The following STXBP5L variants were observed in gnomAD, a reference collection of about 807,000 sequenced individuals.
STXBP5L encodes the protein syntaxin binding protein 5L.
A neutral mutation model predicts 144.5 loss-of-function variants in STXBP5L; 65 were observed. The observed-to-expected ratio is 0.45, with a 90% CI of 0.37 to 0.55. The LOEUF is 0.55. STXBP5L is among the 20% of genes least tolerant of loss of function. The probability of loss-of-function intolerance (pLI) is 0.00; values close to 1 mark genes in which losing one functional copy is unlikely to be tolerated. For missense variants in STXBP5L, 1,298 were observed against 1,405.5 expected, an observed-to-expected ratio of 0.92 and a Z score of 1.22; for synonymous variants, 505 against 469.6, an observed-to-expected ratio of 1.08 and a Z score of -0.97.
chr3:121,003,174 A>G (rs1943939098), intron 3 of STXBP5L, among the ~76,000 whole-genome samples: 1 of 152,170 alleles, frequency 6.6e-6, no homozygotes, highest in Non-Finnish European at 1.5e-5. Context: ...TCCCACCAAC[A>G]GTGTAAAAGT....
At chr3:121,068,731 C>CAT (rs1323088898) in intron 5 of STXBP5L, among the ~76,000 whole-genome samples, 1 of 151,900 alleles carries the variant, frequency 6.6e-6, no homozygotes, top group African/African-American at 2.4e-5. Flanking sequence ...TGTTTATATT[C>CAT]ATATATATTT....
chr3:121,175,813 A>G (rs773563714), intron 9 of STXBP5L, among the ~76,000 whole-genome samples: 9 of 151,994 alleles, frequency 5.9e-5, no homozygotes, highest in Admixed American at 1.3e-4. Flanking sequence ...CATGTTGTCT[A>G]CAGGAAACAA....
chr3:121,008,054 C>G (rs568127344), intron 3 of STXBP5L, among the ~76,000 whole-genome samples: 1 of 151,926 alleles, frequency 6.6e-6, no homozygotes, highest in Non-Finnish European at 1.5e-5. Context: ...TTTCCTTACT[C>G]TCATCCAGCA....
chr3:121,122,851 T>A (rs950990708), intron 7 of STXBP5L, among the ~76,000 whole-genome samples: 1 of 151,444 alleles, frequency 6.6e-6, no homozygotes, highest in Non-Finnish European at 1.5e-5. Context: ...AATCTCATAA[T>A]AAGAGATAGG....
intron 22 of STXBP5L, among the ~76,000 whole-genome samples, chr3:121,389,069 C>T (rs2108699975): frequency 6.6e-6 from 1 of 152,214 alleles, no homozygotes; most frequent in South Asian, 2.1e-4. Flanking sequence ...AATCTCAGAG[C>T]CTGTTATTGG....
intron 10 of STXBP5L, among the ~76,000 whole-genome samples, chr3:121,217,981 T>A (rs917345305): frequency 9.6e-5 from 14 of 146,182 alleles, no homozygotes; most frequent in African/African-American, 3.5e-4. Flanking sequence ...TATAGTTTAG[T>A]AGCTATTACT....
At chr3:121,049,883 C>G (rs1349656646) in intron 5 of STXBP5L, among the ~76,000 whole-genome samples, 1 of 152,160 alleles carries the variant, frequency 6.6e-6, no homozygotes, top group Non-Finnish European at 1.5e-5. Context: ...CTCCACATAA[C>G]TCTTTGCATG....
intron 22 of STXBP5L, among the ~76,000 whole-genome samples, chr3:121,406,846 A>T (rs973126789): frequency 6.6e-6 from 1 of 152,174 alleles, no homozygotes; most frequent in Non-Finnish European, 1.5e-5. Context: ...GTACATTTTT[A>T]AAATTTTCTT....
chr3:121,323,445 G>C (rs1162198606), intron 20 of STXBP5L, among the ~76,000 whole-genome samples: 1 of 152,170 alleles, frequency 6.6e-6, no homozygotes, highest in Non-Finnish European at 1.5e-5. Context: ...AGATAAAATA[G>C]AGTGAGGGTT....
At chr3:121,264,008 G>A (rs1437854097) in intron 18 of STXBP5L, among the ~76,000 whole-genome samples, 1 of 152,152 alleles carries the variant, frequency 6.6e-6, no homozygotes, top group Non-Finnish European at 1.5e-5. Context: ...ACACATACTT[G>A]TCAGATTCAC....
rs72966723 is a variant in STXBP5L, at chr3:120,946,527, G to C, written c.190-8413G>C. Reference sequence around the variant, plus strand: ...GGCTGATAAATATAGTATTTAACTGGATTGTTATCTGCTGAACTAAAACTT... The same window carrying C: ...GGCTGATAAATATAGTATTTAACTGCATTGTTATCTGCTGAACTAAAACTT... On this transcript the variant is annotated intron_variant, in intron 2 of 26. Coordinates refer to ENST00000471454, the MANE Select transcript of STXBP5L (RefSeq NM_001308330.2). Among the ~76,000 whole-genome samples the C allele has an allele frequency of 2.5e-3, 379 of 151,678 alleles. 2 individuals are homozygous for C. The highest frequency in any genetic ancestry group is 8.6e-3 in the African/African-American group (356 of 41,440).
At chr3:121,254,284 C>T (rs1577312955) in intron 15 of STXBP5L, among the ~76,000 whole-genome samples, 1 of 152,064 alleles carries the variant, frequency 6.6e-6, no homozygotes, top group South Asian at 2.1e-4. Flanking sequence ...TTCTTAAAAA[C>T]AGTTCACAAA....
chr3:121,238,927 T>G (rs768529789), intron 12 of STXBP5L, 44 bp from the exon 13 acceptor site: 3 of 1,470,950 alleles, frequency 2.0e-6, no homozygotes, highest in African/African-American at 2.9e-5. Flanking sequence ...TTTTCTGTTT[T>G]TTTCTTTGTA....
At chr3:121,213,718 C>T (rs1358757500) in intron 10 of STXBP5L, among the ~76,000 whole-genome samples, 1 of 152,122 alleles carries the variant, frequency 6.6e-6, no homozygotes, top group Non-Finnish European at 1.5e-5. Context: ...CAGGATGACC[C>T]TGGCCTCATA....
intron 22 of STXBP5L, among the ~76,000 whole-genome samples, chr3:121,401,837 A>G (rs1342705410): frequency 7.0e-6 from 1 of 142,892 alleles, no homozygotes; most frequent in Non-Finnish European, 1.5e-5. Flanking sequence ...TGGCACATGT[A>G]TACATATGTA....
intron 3 of STXBP5L, among the ~76,000 whole-genome samples, chr3:121,020,137 A>T (rs1945440316): frequency 6.6e-6 from 1 of 152,188 alleles, no homozygotes; most frequent in Admixed American, 6.5e-5. Context: ...AATGCACTGG[A>T]AAGGCTCGGC....
chr3:121,041,581 A>G lies in STXBP5L; in HGVS notation c.288-119A>G, dbSNP rs1560043616. ...CTACTAAGAGTAAGATTTTTCAACT[A>G]TTTATAAAAATAAGGGAAACCAAAT... is the stretch of plus-strand genomic sequence containing the variant. On this transcript the variant is annotated intron_variant, in intron 3 of 26. Coordinates refer to ENST00000471454, the MANE Select transcript of STXBP5L (RefSeq NM_001308330.2). The G allele has an allele frequency of 8.6e-6, 6 of 695,208 alleles. No individual in the cohort carries two copies. The East Asian group carries it at 1.6e-4, about 19-fold the overall frequency. 43.1% of individuals were successfully genotyped at this position (695,208 alleles called of 1,614,324 possible).
chr3:121,059,603 A>G (rs547837385), intron 5 of STXBP5L, among the ~76,000 whole-genome samples: 1 of 152,300 alleles, frequency 6.6e-6, no homozygotes, highest in South Asian at 2.1e-4. Context: ...CTTCCTATCC[A>G]TGAGCATGGA....
intron 2 of STXBP5L, among the ~76,000 whole-genome samples, chr3:120,948,460 G>A (rs1197661234): frequency 6.6e-6 from 1 of 151,638 alleles, no homozygotes; most frequent in African/African-American, 2.4e-5. Context: ...TGGTTACATA[G>A]ATAACTACTT....
Sources: gnomAD v4.1 joint callset for allele counts (sites outside exome capture counted in the v4.1 genomes callset) on GRCh38, gnomAD v4.1.1 for gene constraint, MANE v1.5 for transcripts, NCBI Gene and HGNC (gene_info 2026-07-23, HGNC 2026-07-21) for gene names.